ARHGAP22: variants seen among roughly 807,000 people sequenced by gnomAD.
The protein encoded by ARHGAP22 is Rho GTPase activating protein 22.
ARHGAP22 carries 48 observed loss-of-function variants against 59.1 expected under a neutral mutation model. That is an observed-to-expected ratio of 0.81 (90% CI 0.64 to 1.03). ARHGAP22 has a LOEUF of 1.03. Among genes scored for constraint, ARHGAP22 ranks in the 50% least tolerant of loss-of-function variants. The pLI is 0.00. For missense variants in ARHGAP22, 1,015 were observed against 958.7 expected (o/e 1.06, Z -0.78); for synonymous variants, 445 against 416.4 (o/e 1.07, Z -0.84).
At chr10:48,489,179 C>T (rs937533674) in intron 3 of ARHGAP22, among the ~76,000 whole-genome samples, 7 of 152,082 alleles carry the variant, frequency 4.6e-5, no homozygotes, top group African/African-American at 1.7e-4. Flanking sequence ...AGTGAAAACC[C>T]TATTACCATG....
In ARHGAP22 at chr10:48,505,938, C is replaced by A. The variant is rs539937437; in HGVS notation, c.323-26174G>T. Among the ~76,000 whole-genome samples, 14 of 152,336 alleles carry A rather than the reference C, an allele frequency of 9.2e-5. No homozygotes were observed. The South Asian group carries it at 2.9e-3, about 32-fold the overall frequency. ...CAATACTCCGTATCCCAGTTCTGCC[C>A]CCTCTCTGGCTAGTCACGCAGACAT... On this transcript the variant is annotated intron_variant, in intron 3 of 9. Coordinates refer to ENST00000249601, the MANE Select transcript of ARHGAP22 (RefSeq NM_021226.4).
At chr10:48,598,320 A>G (rs1430548135) in intron 1 of ARHGAP22, among the ~76,000 whole-genome samples, 1 of 152,182 alleles carries the variant, frequency 6.6e-6, no homozygotes, top group Non-Finnish European at 1.5e-5. Flanking sequence ...AACCTCAGGC[A>G]GCAACAGATG....
intron 1 of ARHGAP22, among the ~76,000 whole-genome samples, chr10:48,591,865 C>A (rs1367892992): frequency 6.6e-6 from 1 of 151,904 alleles, no homozygotes; most frequent in African/African-American, 2.4e-5. Context: ...TAGAGCAAGA[C>A]CCTGTCTAAA....
Position 48,639,614 on chromosome 10 carries a change from C to T in ARHGAP22, c.52+12620G>A, listed in dbSNP as rs185570245. On this transcript the variant is annotated intron_variant, in intron 1 of 9. Transcript: ENST00000435790. ...CCCTAGGAAGGCAGGTTTAAAGGTA[C>T]GAGCAAGAGTAAAGGCAAATATAAC... Among the ~76,000 whole-genome samples, 768 of 152,182 alleles carry T rather than the reference C, an allele frequency of 5.0e-3. 6 individuals are homozygous for T. The highest frequency in any genetic ancestry group is 0.017 in the African/African-American group (722 of 41,512).
chr10:48,552,518 C>T (rs1033881457), intron 3 of ARHGAP22, among the ~76,000 whole-genome samples: 2 of 152,260 alleles, frequency 1.3e-5, no homozygotes, highest in Non-Finnish European at 2.9e-5. Flanking sequence ...TGCACATTTA[C>T]CCCGGGGGCT....
In ARHGAP22 at chr10:48,585,326, T is replaced by C. The variant is rs544576151; in HGVS notation, c.35-2174A>G. Among the ~76,000 whole-genome samples, 6 of 152,308 alleles carry C rather than the reference T, an allele frequency of 3.9e-5. No individual in the cohort carries two copies. In the East Asian group the frequency reaches 9.6e-4, roughly 24 times the overall value. ...TTTGTTTGATCACCAATAAATGGTGTGGGCTCCCAGAGCTCCGGGCCTTCA... is the reference window on the plus strand; with the variant it reads ...TTTGTTTGATCACCAATAAATGGTGCGGGCTCCCAGAGCTCCGGGCCTTCA... On this transcript the variant is annotated intron_variant, in intron 1 of 9. Coordinates refer to ENST00000249601, the MANE Select transcript of ARHGAP22 (RefSeq NM_021226.4).
At chr10:48,633,108 G>T (rs1469556617) in intron 1 of ARHGAP22, among the ~76,000 whole-genome samples, 1 of 152,210 alleles carries the variant, frequency 6.6e-6, no homozygotes, top group Non-Finnish European at 1.5e-5. Flanking sequence ...CAATTATGTT[G>T]CCTGCTGTAT....
intron 2 of ARHGAP22, among the ~76,000 whole-genome samples, chr10:48,559,958 T>C (rs2057576792): frequency 6.6e-6 from 1 of 152,200 alleles, no homozygotes; most frequent in Non-Finnish European, 1.5e-5. Context: ...AGTAGATTCA[T>C]GTACCCAAAT....
the ARHGAP22 span, chr10:48,439,007 AATTACGTGT>A: frequency 6.6e-6 from 1 of 152,162 alleles, no homozygotes; most frequent in African/African-American, 2.4e-5. Flanking sequence ...AGTTAGACTG[AATTACGTGT>A]CTCCCTGGAC....
intron 2 of ARHGAP22, among the ~76,000 whole-genome samples, chr10:48,570,215 T>C (rs2058311210): frequency 6.6e-6 from 1 of 152,302 alleles, no homozygotes; most frequent in Middle Eastern, 3.4e-3. Flanking sequence ...GGTTCTAAAA[T>C]AGCTGCAAAA....
the ARHGAP22 span, chr10:48,438,633 TCA>T: frequency 2.0e-5 from 3 of 152,244 alleles, no homozygotes; most frequent in Non-Finnish European, 4.4e-5. Flanking sequence ...TTGAACTACC[TCA>T]CACTAATTTT....
At chr10:48,633,788 G>C (rs536446003) in intron 1 of ARHGAP22, among the ~76,000 whole-genome samples, 65 of 152,118 alleles carry the variant, frequency 4.3e-4, no homozygotes, top group African/African-American at 1.4e-3. Flanking sequence ...GAAGGAGATG[G>C]GCAGGTTAAT....
At chr10:48,609,448 T>G (rs1029520414), upstream of ARHGAP22, among the ~76,000 whole-genome samples, 1 of 152,218 alleles carries the variant, frequency 6.6e-6, no homozygotes, top group Admixed American at 6.5e-5. Flanking sequence ...CACTTTGGAA[T>G]TCCCATGTAG....
intron 1 of ARHGAP22, among the ~76,000 whole-genome samples, chr10:48,597,614 T>C (rs1386386302): frequency 6.6e-6 from 1 of 152,090 alleles, no homozygotes; most frequent in African/African-American, 2.4e-5. Flanking sequence ...GAGTGAACAG[T>C]GTAGGCCCTG....
intron 2 of ARHGAP22, among the ~76,000 whole-genome samples, chr10:48,571,706 G>A (rs2058404265): frequency 6.6e-6 from 1 of 152,166 alleles, no homozygotes; most frequent in Non-Finnish European, 1.5e-5. Flanking sequence ...ACCGTGGCAG[G>A]GATCAGTGGA....
At chr10:48,579,901 C>T (rs1275178112) in intron 2 of ARHGAP22, among the ~76,000 whole-genome samples, 1 of 152,186 alleles carries the variant, frequency 6.6e-6, no homozygotes, top group African/African-American at 2.4e-5. Flanking sequence ...GGCTATGTTG[C>T]CAGCAGCTGT....
At chr10:48,448,466 C>A (rs1019088690) in intron 9 of ARHGAP22, among the ~76,000 whole-genome samples, 1 of 152,214 alleles carries the variant, frequency 6.6e-6, no homozygotes, top group Non-Finnish European at 1.5e-5. Context: ...TGGCCACCTG[C>A]ACAGCATCTG....
chr10:48,587,635 T>C (rs984713645), intron 1 of ARHGAP22, among the ~76,000 whole-genome samples: 3 of 152,256 alleles, frequency 2.0e-5, no homozygotes, highest in Admixed American at 1.3e-4. Flanking sequence ...CTTCAAGGGC[T>C]ATGGAGAACA....
intron 4 of ARHGAP22, among the ~76,000 whole-genome samples, chr10:48,469,652 C>T (rs1243866623): frequency 6.6e-6 from 1 of 152,202 alleles, no homozygotes; most frequent in Non-Finnish European, 1.5e-5. Flanking sequence ...CTGCGCTGCC[C>T]CCAGCCCCAC....
Sources: allele counts gnomAD v4.1 joint callset (sites outside exome capture counted in the v4.1 genomes callset), GRCh38; gene constraint gnomAD v4.1.1; transcripts MANE v1.5; gene names NCBI Gene and HGNC (gene_info 2026-07-23, HGNC 2026-07-21).